EPHA6: variants seen among roughly 807,000 people sequenced by gnomAD.
EPHA6 encodes the protein ephrin type-A receptor 6.
EPHA6 carries 50 observed loss-of-function variants against 112.0 expected under a neutral mutation model. The ratio of observed to expected loss-of-function variants is 0.45; its 90% CI spans 0.36 to 0.56. The LOEUF (loss-of-function observed/expected upper bound fraction) is 0.56, where lower values mean the gene tolerates loss of function less well. EPHA6 is among the 20% of genes least tolerant of loss of function. The pLI, the probability that EPHA6 is intolerant of heterozygous loss-of-function variation, is 0.00. For missense variants in EPHA6, 1,280 were observed against 1,417.4 expected (o/e 0.90, Z 1.56); for synonymous variants, 529 against 490.7 (o/e 1.08, Z -1.03).
chr3:97,538,963 A>T (rs1018885962), intron 11 of EPHA6, among the ~76,000 whole-genome samples: 1 of 150,846 alleles, frequency 6.6e-6, no homozygotes, highest in Non-Finnish European at 1.5e-5. Flanking sequence ...TAGCTACTAC[A>T]TACTGGACAC....
intron 14 of EPHA6, among the ~76,000 whole-genome samples, chr3:97,698,462 G>T (rs1253225102): frequency 6.7e-6 from 1 of 148,236 alleles, no homozygotes; most frequent in Non-Finnish European, 1.5e-5. Flanking sequence ...CCTCTTCCTT[G>T]TGGGAAGGAA....
At chr3:97,727,414 G>C (rs1314674446) in intron 15 of EPHA6, among the ~76,000 whole-genome samples, 1 of 151,994 alleles carries the variant, frequency 6.6e-6, no homozygotes, top group Non-Finnish European at 1.5e-5. Context: ...TGTACTTCCT[G>C]TTTGTCCTCA....
In EPHA6 at chr3:97,244,446, T is replaced by A. The variant is rs114922082; in HGVS notation, c.1606+159T>A. 1,004 of 618,194 alleles carry A rather than the reference T, an allele frequency of 1.6e-3. 6 individuals are homozygous for A. Among genetic ancestry groups the A allele is most frequent in the African/African-American group, 0.015 (805 of 54,272 alleles). The allele number at this position is 618,194 out of a possible 1,614,324, so 38.3% of individuals were successfully genotyped here. A position where few individuals can be genotyped will look rare whatever the true frequency, so the allele number is the denominator to read the frequency against. ...TGTTGTTCTTGTTCTTTCCTAAAAC[T>A]CAGAAAGATATTTTTATATTACTTC... On this transcript the variant is annotated intron_variant, in intron 5 of 17. Transcript: ENST00000389672.
chr3:97,168,700 G>C (rs2076607441), intron 3 of EPHA6, among the ~76,000 whole-genome samples: 1 of 151,774 alleles, frequency 6.6e-6, no homozygotes, highest in South Asian at 2.1e-4. Flanking sequence ...GTTTCCTGAG[G>C]CCTCCCCAGA....
At position 97,100,271 on chromosome 3, in the gene EPHA6, A is replaced by G. The variant is rs572719533; in HGVS notation, c.1114+112278A>G. Among the ~76,000 whole-genome samples the G allele has an allele frequency of 4.0e-3, 594 of 150,030 alleles. 7 individuals are homozygous for G. Among genetic ancestry groups the G allele is most frequent in the Non-Finnish European group, 5.3e-3 (355 of 67,490 alleles). ...CTATATATTTTATATATATATAGAT[A>G]TATGGAGCTTAACATTCTCTAAGCA... is the stretch of plus-strand genomic sequence containing the variant. On this transcript the variant is annotated intron_variant, in intron 3 of 17. Transcript: ENST00000389672.
chr3:97,125,473 T>C (rs1217678273), intron 3 of EPHA6, among the ~76,000 whole-genome samples: 2 of 152,172 alleles, frequency 1.3e-5, no homozygotes, highest in South Asian at 4.1e-4. Flanking sequence ...TCACTATACA[T>C]ATTTTGGATT....
chr3:96,856,735 A>C lies in EPHA6; in HGVS notation c.386-10090A>C, dbSNP rs1446790243. Among the ~76,000 whole-genome samples, 5 of 152,144 alleles carry C rather than the reference A, an allele frequency of 3.3e-5. No homozygotes were observed. The East Asian group carries it at 9.6e-4, about 29-fold the overall frequency. On this transcript the variant is annotated intron_variant, in intron 1 of 17. Transcript: ENST00000389672. ...TGGAAATAGATCTAGAGGATTTTTA[A>C]AAAGTAAAACAGGGTCACTCCTTTC... is the stretch of plus-strand genomic sequence containing the variant.
intron 3 of EPHA6, among the ~76,000 whole-genome samples, chr3:97,086,908 T>C (rs1418264321): frequency 2.0e-5 from 3 of 152,198 alleles, no homozygotes; most frequent in Non-Finnish European, 4.4e-5. Flanking sequence ...AAAATTATTT[T>C]GAGTAATTAA....
At chr3:97,036,862 T>G (rs2045117399) in intron 3 of EPHA6, among the ~76,000 whole-genome samples, 1 of 151,968 alleles carries the variant, frequency 6.6e-6, no homozygotes, top group Non-Finnish European at 1.5e-5. Context: ...CAGTGCTGAT[T>G]GTTGGCTGCT....
At chr3:97,717,338 A>T (rs1317005817) in intron 14 of EPHA6, among the ~76,000 whole-genome samples, 1 of 152,102 alleles carries the variant, frequency 6.6e-6, no homozygotes, top group Non-Finnish European at 1.5e-5. Context: ...GAAAAAAAAA[A>T]TTTTATAGTG....
chr3:97,079,410 G>T (rs1304180369), intron 3 of EPHA6, among the ~76,000 whole-genome samples: 1 of 152,034 alleles, frequency 6.6e-6, no homozygotes, highest in Non-Finnish European at 1.5e-5. Flanking sequence ...AGAACACACA[G>T]ACACATTGAG....
At chr3:96,952,441 T>C (rs1024998824) in intron 2 of EPHA6, among the ~76,000 whole-genome samples, 3 of 152,146 alleles carry the variant, frequency 2.0e-5, no homozygotes, top group Non-Finnish European at 2.9e-5. Context: ...GGTGCTGAGT[T>C]AGTTCTTGTG....
intron 3 of EPHA6, among the ~76,000 whole-genome samples, chr3:97,182,837 G>T (rs1267826397): frequency 6.6e-6 from 1 of 152,060 alleles, no homozygotes; most frequent in Non-Finnish European, 1.5e-5. Context: ...TTATGTGAGT[G>T]GTAAACATAA....
intron 3 of EPHA6, among the ~76,000 whole-genome samples, chr3:97,171,629 T>G (rs2076704081): frequency 1.3e-5 from 2 of 152,042 alleles, no homozygotes; most frequent in African/African-American, 4.8e-5. Context: ...ATTGGGAGAA[T>G]GATAGTACAA....
At chr3:97,461,140 C>T (rs1394351238) in intron 7 of EPHA6, among the ~76,000 whole-genome samples, 9 of 152,076 alleles carry the variant, frequency 5.9e-5, no homozygotes, top group African/African-American at 1.9e-4. Context: ...GATGGCCTGA[C>T]TTTGGTCTTG....
rs397990599 is a variant in EPHA6 at position 97,668,911 on chromosome 3, C to CAAAAAAAAAAAAAAAA, written c.2784+30847_2784+30862dup. On this transcript the variant is annotated intron_variant, in intron 14 of 17. Coordinates refer to ENST00000389672, the MANE Select transcript of EPHA6 (RefSeq NM_001080448.3). ...TGTGTGACAGAGTGAGACTCTGTCTCAAAAAAAAAAAAAAAAAAAAAAAAA... is the reference window on the plus strand; with the variant it reads ...TGTGTGACAGAGTGAGACTCTGTCTCAAAAAAAAAAAAAAAAAAAAAAAAAAAAAAAAAAAAAAAAA... 6.3e-5 allele frequency among the ~76,000 whole-genome samples: 2 copies of CAAAAAAAAAAAAAAAA among 31,904 alleles called. 1 individual carries two copies. Among genetic ancestry groups the CAAAAAAAAAAAAAAAA allele is most frequent in the Non-Finnish European group, 1.1e-4 (2 of 18,816 alleles). The allele number at this position is 31,904 out of a possible 152,430, so 20.9% of individuals were successfully genotyped here. A position where few individuals can be genotyped will look rare whatever the true frequency, so the allele number is the denominator to read the frequency against.
At chr3:97,128,504 T>A (rs531671739) in intron 3 of EPHA6, among the ~76,000 whole-genome samples, 1 of 152,112 alleles carries the variant, frequency 6.6e-6, no homozygotes, top group Non-Finnish European at 1.5e-5. Flanking sequence ...CACTGAAAAA[T>A]GTACATTTTG....
chr3:97,270,667 G>A (rs1171343351), intron 5 of EPHA6, among the ~76,000 whole-genome samples: 1 of 152,208 alleles, frequency 6.6e-6, no homozygotes, highest in East Asian at 1.9e-4. Context: ...AGTCAGAAGT[G>A]CATCAAGACT....
At position 97,465,138 on chromosome 3, in the gene EPHA6, T is replaced by A. The variant is rs559163263; in HGVS notation, c.1895-10214T>A. Reference sequence around the variant, plus strand: ...TTTTTATATTACATGACAAGGTGAATGGGTATGTCAGGAAATGTTCCCTTT... The same window carrying A: ...TTTTTATATTACATGACAAGGTGAAAGGGTATGTCAGGAAATGTTCCCTTT... On this transcript the variant is annotated intron_variant, in intron 7 of 17. Coordinates refer to ENST00000389672, the MANE Select transcript of EPHA6 (RefSeq NM_001080448.3). 5.9e-5 allele frequency among the ~76,000 whole-genome samples: 9 copies of A among 152,184 alleles called. No individual in the cohort carries two copies. The South Asian group carries it at 1.7e-3, about 28-fold the overall frequency.
Sources: allele counts gnomAD v4.1 joint callset (sites outside exome capture counted in the v4.1 genomes callset), GRCh38; gene constraint gnomAD v4.1.1; transcripts MANE v1.5; gene names NCBI Gene and HGNC (gene_info 2026-07-23, HGNC 2026-07-21).